Variants in DCBLD2 observed in about 807,000 individuals in gnomAD.
DCBLD2 encodes discoidin, CUB and LCCL domain-containing protein 2.
A neutral mutation model predicts 86.8 loss-of-function variants in DCBLD2; 54 were observed. The ratio of observed to expected loss-of-function variants is 0.62; its 90% CI spans 0.50 to 0.78. The LOEUF (loss-of-function observed/expected upper bound fraction) is 0.78. Among genes scored for constraint, DCBLD2 ranks in the 30% least tolerant of loss-of-function variants. The probability of loss-of-function intolerance (pLI) is 0.00; values close to 1 mark genes in which losing one functional copy is unlikely to be tolerated. For synonymous variants in DCBLD2, 354 were observed against 341.3 expected (o/e 1.04, Z -0.41); for missense variants, 908 against 954.2 (o/e 0.95, Z 0.64).
At chr3:98,863,243 G>A (rs1054129463) in intron 2 of DCBLD2, among the ~76,000 whole-genome samples, 3 of 152,182 alleles carry the variant, frequency 2.0e-5, no homozygotes, top group African/African-American at 7.2e-5. Flanking sequence ...AACATTCCAG[G>A]CTCATGGAGA....
At chr3:98,817,484 G>T (rs1163353786) in intron 9 of DCBLD2, among the ~76,000 whole-genome samples, 6 of 152,044 alleles carry the variant, frequency 3.9e-5, no homozygotes, top group Non-Finnish European at 8.8e-5. Flanking sequence ...AAATTACAAG[G>T]TCCCTTTTAG....
chr3:98,863,030 A>G (rs1182050691), intron 2 of DCBLD2, among the ~76,000 whole-genome samples: 3 of 152,236 alleles, frequency 2.0e-5, no homozygotes, highest in Non-Finnish European at 4.4e-5. Flanking sequence ...AAGTCTCAGG[A>G]TACAAAATCA....
chr3:98,881,873 A>G, intron 1 of DCBLD2, 106 bp from the exon 2 acceptor site: 4 of 1,049,730 alleles, frequency 3.8e-6, no homozygotes, highest in Non-Finnish European at 5.5e-6. Flanking sequence ...CAAATATTTT[A>G]TACCACCCAT....
intron 2 of DCBLD2, among the ~76,000 whole-genome samples, chr3:98,870,739 A>AAGAAAGAAAGAAAGAAAG (rs1943253996): frequency 1.2e-4 from 6 of 49,354 alleles, no homozygotes; most frequent in South Asian, 9.3e-4. Flanking sequence ...AAGAAAGAAA[A>AAGAAAGAAAGAAAGAAAG]AGAAAGAAAG....
At chr3:98,871,620 A>G (rs75628464) in intron 2 of DCBLD2, among the ~76,000 whole-genome samples, 2 of 152,098 alleles carry the variant, frequency 1.3e-5, no homozygotes, top group Non-Finnish European at 2.9e-5. Flanking sequence ...CATTCCTGGT[A>G]TGAAACCCAC....
Position 98,796,118 on chromosome 3 carries a change from T to TG in DCBLD2, c.*3253dup, listed in dbSNP as rs1296733742. On this transcript the variant is annotated 3_prime_UTR_variant, in exon 16 of 16. Transcript: ENST00000326840. Reference sequence around the variant, plus strand: ...TCTAGCAACATATACAAATACTGAGTGACTACAGTACATGCCGAGGTAAGA... The same window carrying TG: ...TCTAGCAACATATACAAATACTGAGTGGACTACAGTACATGCCGAGGTAAGA... 6.6e-6 allele frequency: 1 copy of TG among 152,602 alleles called. No homozygotes were observed. The highest frequency in any genetic ancestry group is 1.5e-5 in the Non-Finnish European group (1 of 68,028). 9.5% of individuals were successfully genotyped at this position (152,602 alleles called of 1,614,324 possible).
chr3:98,821,952 C>T (rs761965970), intron 6 of DCBLD2, among the ~76,000 whole-genome samples: 5 of 152,016 alleles, frequency 3.3e-5, no homozygotes, highest in Admixed American at 2.0e-4. Context: ...AGGCTGAGAC[C>T]GGAGAATCGC....
At chr3:98,811,777 A>C (rs1941943900) in intron 10 of DCBLD2, among the ~76,000 whole-genome samples, 1 of 152,170 alleles carries the variant, frequency 6.6e-6, no homozygotes, top group African/African-American at 2.4e-5. Context: ...ATCTGAAAAT[A>C]ATCTTAGGAA....
chr3:98,807,709 A>T (rs1485975410), intron 13 of DCBLD2, among the ~76,000 whole-genome samples: 1 of 152,178 alleles, frequency 6.6e-6, no homozygotes, highest in Non-Finnish European at 1.5e-5. Context: ...AACTTCAGTT[A>T]ATTCTCATGG....
chr3:98,822,233 A>G lies in DCBLD2; in HGVS notation c.825T>C (p.Ser275=). 1 of 1,613,798 alleles carries G rather than the reference A, an allele frequency of 6.2e-7. No homozygotes were observed. Among genetic ancestry groups the G allele is most frequent in the Non-Finnish European group, 8.5e-7 (1 of 1,179,788 alleles). The change falls in exon 6 of 16, where the codon TCT becomes TCC. Residue 275 remains serine, a synonymous_variant. Transcript: ENST00000326840. ...TAAATTGCATATATACTTACACCAC[A>G]GATGTGACGTTGTTAGCCAAAGAAC... ...YESSLANNVT[S]VVGHLSTSLF...
At chr3:98,803,333 G>T (rs1365631537) in intron 13 of DCBLD2, among the ~76,000 whole-genome samples, 1 of 152,172 alleles carries the variant, frequency 6.6e-6, no homozygotes, top group African/African-American at 2.4e-5. Flanking sequence ...GTTCACTCAT[G>T]ATTTGGCTCT....
chr3:98,835,938 C>CTTTCTTTCTTTCTTTTTT (rs56279917), intron 3 of DCBLD2, among the ~76,000 whole-genome samples: 3 of 115,052 alleles, frequency 2.6e-5, no homozygotes, highest in Non-Finnish European at 5.3e-5. Flanking sequence ...TCCTTTCTTT[C>CTTTCTTTCTTTCTTTTTT]TTTTTTTTTT....
At chr3:98,846,840 A>G (rs2107480939) in intron 3 of DCBLD2, among the ~76,000 whole-genome samples, 1 of 152,142 alleles carries the variant, frequency 6.6e-6, no homozygotes, top group Non-Finnish European at 1.5e-5. Flanking sequence ...CTGTGGGCCA[A>G]AAAGCCTCAT....
chr3:98,870,496 G>A (rs1183167273), intron 2 of DCBLD2, among the ~76,000 whole-genome samples: 1 of 151,808 alleles, frequency 6.6e-6, no homozygotes, highest in East Asian at 1.9e-4. Flanking sequence ...GGCAGGATAT[G>A]ATGGCACACA....
chr3:98,808,212 A>G, intron 12 of DCBLD2, 38 bp from the exon 13 acceptor site: 2 of 1,529,086 alleles, frequency 1.3e-6, no homozygotes, highest in Non-Finnish European at 1.8e-6. Flanking sequence ...AACAAAAGCC[A>G]TATTAACACC....
intron 3 of DCBLD2, among the ~76,000 whole-genome samples, chr3:98,834,206 G>A: frequency 6.7e-6 from 1 of 148,994 alleles, no homozygotes; most frequent in East Asian, 1.9e-4. Flanking sequence ...CCTATTTTGG[G>A]GAGTACATAT....
rs17270986 is a variant in DCBLD2 at position 98,799,228 on chromosome 3, A to G, written c.*144T>C. 119,591 of 818,888 alleles carry G rather than the reference A, an allele frequency of 0.15. 9,771 individuals carry two copies. The highest frequency in any genetic ancestry group is 0.2 in the Admixed American group (7,033 of 34,780). The allele number at this position is 818,888 out of a possible 1,614,324, so 50.7% of individuals were successfully genotyped here. On this transcript the variant is annotated 3_prime_UTR_variant, in exon 16 of 16. Coordinates refer to ENST00000326840, the MANE Select transcript of DCBLD2 (RefSeq NM_080927.4). Reference sequence around the variant, plus strand: ...CTTAAAGCAAGATGGCAAGATTAGTAGTTTCCTGTACCTCAGTCACCACAT... The same window carrying G: ...CTTAAAGCAAGATGGCAAGATTAGTGGTTTCCTGTACCTCAGTCACCACAT...
chr3:98,848,479 T>A (rs1461321822), intron 3 of DCBLD2, among the ~76,000 whole-genome samples: 1 of 152,248 alleles, frequency 6.6e-6, no homozygotes, highest in African/African-American at 2.4e-5. Flanking sequence ...CCTTTGGGTA[T>A]ATATCCAGTA....
chr3:98,864,231 T>C (rs1461559090), intron 2 of DCBLD2, among the ~76,000 whole-genome samples: 1 of 152,140 alleles, frequency 6.6e-6, no homozygotes, highest in Non-Finnish European at 1.5e-5. Flanking sequence ...TGTGGAGAAA[T>C]AGGAACACTT....
Sources: allele counts gnomAD v4.1 joint callset (sites outside exome capture counted in the v4.1 genomes callset), GRCh38; gene constraint gnomAD v4.1.1; transcripts MANE v1.5; gene names NCBI Gene and HGNC (gene_info 2026-07-23, HGNC 2026-07-21).